Variants in SULF2 observed in about 807,000 individuals in gnomAD.
SULF2 encodes extracellular sulfatase Sulf-2.
A neutral mutation model predicts 107.7 loss-of-function variants in SULF2; 52 were observed. That is an observed-to-expected ratio of 0.48 (90% CI 0.39 to 0.61). SULF2 has a LOEUF of 0.61. SULF2 is among the 20% of genes least tolerant of loss of function. The pLI is 0.00. For missense variants in SULF2, 993 were observed against 1,177.3 expected (o/e 0.84, Z 2.29); for synonymous variants, 460 against 464.3 (o/e 0.99, Z 0.12).
At chr20:47,695,865 G>T (rs1390199971) in intron 4 of SULF2, among the ~76,000 whole-genome samples, 1 of 152,182 alleles carries the variant, frequency 6.6e-6, no homozygotes, top group Admixed American at 6.5e-5. Context: ...CGCCTGGTTT[G>T]GCCTCCCAAA....
chr20:47,776,965 G>A (rs1396106412), intron 1 of SULF2, among the ~76,000 whole-genome samples: 2 of 152,032 alleles, frequency 1.3e-5, no homozygotes, highest in Non-Finnish European at 2.9e-5. Context: ...TTCTTTTCTT[G>A]CTTCCTTCAT....
chr20:47,778,988 CCACT>C (rs552298775), intron 1 of SULF2, among the ~76,000 whole-genome samples: 3 of 152,182 alleles, frequency 2.0e-5, no homozygotes, highest in Non-Finnish European at 4.4e-5. Flanking sequence ...CGTTCACCAC[CCACT>C]GAGCTTTCAG....
Position 47,658,093 on chromosome 20 carries a change from G to A in SULF2, c.*269C>T, listed in dbSNP as rs2146364081. ...GTGAGCTTCTGGGGGAGGGTTAGTGGTGACTTTTTGATACGAAAAAATGCA... is the reference window on the plus strand; with the variant it reads ...GTGAGCTTCTGGGGGAGGGTTAGTGATGACTTTTTGATACGAAAAAATGCA... On this transcript the variant is annotated 3_prime_UTR_variant, in exon 21 of 21. Transcript: ENST00000688720. The A allele has an allele frequency of 5.8e-6, 3 of 514,896 alleles. No homozygotes were observed. The highest frequency in any genetic ancestry group is 6.3e-5 in the East Asian group (2 of 31,502). The allele number at this position is 514,896 out of a possible 1,614,324, so 31.9% of individuals were successfully genotyped here.
rs1461973613 is a variant in SULF2 at position 47,757,281 on chromosome 20, T to G, written c.83A>C (p.His28Pro). The G allele has an allele frequency of 6.3e-7, 1 of 1,588,640 alleles. No homozygotes were observed. Among genetic ancestry groups the G allele is most frequent in the African/African-American group, 1.3e-5 (1 of 74,584 alleles). The change falls in exon 2 of 21, where the codon CAC becomes CCC. Residue 28 changes from histidine to proline, a missense_variant. This residue lies in a region of SULF2 where 388 missense variants were observed against 449.2 expected (regional missense o/e 0.86). Transcript: ENST00000688720. ...LLGGSSAFLS[H>P]HRLKGRFQRD... ...CTGAAACCTGCCTTTCAGGCGGTGG[T>G]GCGACAGGAAGGCCGAGCTTCCACC...
At position 47,724,730 on chromosome 20, in the gene SULF2, G is replaced by GA. The variant is rs369063045; in HGVS notation, c.415+11972dup. ...AGAGGGATGGACTAGAGGAGGGGGAGAAAATCCACAACAGACCCTCAGAAC... is the reference window on the plus strand; with the variant it reads ...AGAGGGATGGACTAGAGGAGGGGGAGAAAAATCCACAACAGACCCTCAGAAC... On this transcript the variant is annotated intron_variant, in intron 3 of 20. Transcript: ENST00000688720. Among the ~76,000 whole-genome samples, 525 of 152,270 alleles carry GA rather than the reference G, an allele frequency of 3.4e-3. 2 individuals are homozygous for GA. The highest frequency in any genetic ancestry group is 0.012 in the African/African-American group (499 of 41,542).
chr20:47,771,925 C>A (rs1600687878), intron 1 of SULF2, among the ~76,000 whole-genome samples: 3 of 152,330 alleles, frequency 2.0e-5, no homozygotes, highest in African/African-American at 7.2e-5. Context: ...GGCAGCTCCC[C>A]AGGAAGTTTC....
intron 2 of SULF2, among the ~76,000 whole-genome samples, chr20:47,745,155 C>T (rs2089977103): frequency 6.6e-6 from 1 of 151,752 alleles, no homozygotes; most frequent in Admixed American, 6.6e-5. Flanking sequence ...TAAGGTTTGA[C>T]TATGAAATTC....
intron 3 of SULF2, among the ~76,000 whole-genome samples, chr20:47,705,607 T>A (rs1171600417): frequency 1.3e-5 from 2 of 152,028 alleles, no homozygotes; most frequent in African/African-American, 2.4e-5. Context: ...GTAATTTCTG[T>A]CCCCAGGAGA....
Position 47,757,292 on chromosome 20 carries a change from G to C in SULF2, c.72C>G (p.Ala24=). ...CTTTCAGGCGGTGGTGCGACAGGAA[G>C]GCCGAGCTTCCACCCAGCAGGGAGA... is the stretch of plus-strand genomic sequence containing the variant. ...TVFSLLGGSS[A]FLSHHRLKGR... The change falls in exon 2 of 21, where the codon GCC becomes GCG. Residue 24 remains alanine, a synonymous_variant. Transcript: ENST00000688720. 6.3e-7 allele frequency: 1 copy of C among 1,594,882 alleles called. No homozygotes were observed. The highest frequency in any genetic ancestry group is 1.1e-5 in the South Asian group (1 of 87,966).
chr20:47,689,686 GAA>G (rs1277109913), intron 5 of SULF2: 1 of 154,524 alleles, frequency 6.5e-6, no homozygotes, highest in Non-Finnish European at 1.4e-5. Flanking sequence ...GGGTCACTGT[GAA>G]TATTCAGGGA....
intron 3 of SULF2, among the ~76,000 whole-genome samples, chr20:47,726,338 T>G (rs1447690013): frequency 6.6e-6 from 1 of 152,018 alleles, no homozygotes; most frequent in Non-Finnish European, 1.5e-5. Flanking sequence ...CCCAAGTAGC[T>G]GGGACTACAA....
chr20:47,682,844 C>T (rs2146503639), intron 7 of SULF2, 150 bp downstream of exon 7: 1 of 735,946 alleles, frequency 1.4e-6, no homozygotes. Flanking sequence ...AGGGATATAA[C>T]ATGCATGACA....
At chr20:47,771,490 C>T (rs1248038242) in intron 1 of SULF2, among the ~76,000 whole-genome samples, 1 of 152,194 alleles carries the variant, frequency 6.6e-6, no homozygotes, top group Non-Finnish European at 1.5e-5. Context: ...GAAAACCCCA[C>T]AGAAGAATAA....
chr20:47,662,666 C>CT (rs1214416151), intron 17 of SULF2, among the ~76,000 whole-genome samples: 1 of 152,180 alleles, frequency 6.6e-6, no homozygotes, highest in Non-Finnish European at 1.5e-5. Context: ...TACGGAAGCA[C>CT]TTAGCAGAGT....
At chr20:47,672,890 T>C (rs2087524770) in intron 10 of SULF2, among the ~76,000 whole-genome samples, 1 of 152,156 alleles carries the variant, frequency 6.6e-6, no homozygotes, top group Non-Finnish European at 1.5e-5. Context: ...GCGCTCACTG[T>C]TCCTTCTGCC....
chr20:47,774,205 A>C (rs944879114), intron 1 of SULF2, among the ~76,000 whole-genome samples: 1 of 152,238 alleles, frequency 6.6e-6, no homozygotes, highest in African/African-American at 2.4e-5. Context: ...GTGCAATCTA[A>C]TTAGCAGCCG....
At chr20:47,668,824 CCATGGT>C (rs144569715) in intron 11 of SULF2, among the ~76,000 whole-genome samples, 2,345 of 152,238 alleles carry the variant, frequency 0.015, 74 homozygotes, top group African/African-American at 0.052. Context: ...CTGCCCATGC[CCATGGT>C]GCTTCTCACC....
rs564198363 is a variant in SULF2 at position 47,705,194 on chromosome 20, G to T, written c.416-2524C>A. Reference sequence around the variant, plus strand: ...GAGCTGATGAAACACCTCCTGTAAGGGTCTGGGTACACAGGGGAGGTGAAA... The same window carrying T: ...GAGCTGATGAAACACCTCCTGTAAGTGTCTGGGTACACAGGGGAGGTGAAA... On this transcript the variant is annotated intron_variant, in intron 3 of 20. Transcript: ENST00000688720. Among the ~76,000 whole-genome samples, 8 of 152,322 alleles carry T rather than the reference G, an allele frequency of 5.3e-5. No individual in the cohort carries two copies. In the South Asian group the frequency reaches 1.7e-3, roughly 32 times the overall value.
chr20:47,665,892 C>A lies in SULF2; in HGVS notation c.1867G>T (p.Ala623Ser), dbSNP rs749158656. 1 of 1,614,096 alleles carries A rather than the reference C, an allele frequency of 6.2e-7. No individual in the cohort carries two copies. Among genetic ancestry groups the A allele is most frequent in the East Asian group, 2.2e-5 (1 of 44,882 alleles). The change falls in exon 13 of 21, where the codon GCC becomes TCC. Residue 623 changes from alanine to serine, a missense_variant. Transcript: ENST00000688720. ...CDLDLYKSLQ[A>S]WKDHKLHIDH... is the part of the protein sequence containing the mutation. ...ATGTGCAGCTTGTGGTCTTTCCAGG[C>A]CTGCAGGGACTTGTACAGGTCCAGG...
Sources: allele counts gnomAD v4.1 joint callset (sites outside exome capture counted in the v4.1 genomes callset), GRCh38; gene constraint gnomAD v4.1.1; regional missense constraint gnomAD v4.1.1; transcripts MANE v1.5; gene names NCBI Gene and HGNC (gene_info 2026-07-23, HGNC 2026-07-21).